Variants in SAMM50 observed in about 807,000 individuals in gnomAD.
The protein encoded by SAMM50 is SAMM50 sorting and assembly machinery component.
A neutral mutation model predicts 66.9 loss-of-function variants in SAMM50; 47 were observed. The ratio of observed to expected loss-of-function variants is 0.70; its 90% CI spans 0.56 to 0.90. The LOEUF is 0.90. Among genes scored for constraint, SAMM50 ranks in the 40% least tolerant of loss-of-function variants. The probability of loss-of-function intolerance (pLI) is 0.00; values close to 1 mark genes in which losing one functional copy is unlikely to be tolerated. For missense variants in SAMM50, 535 were observed against 595.3 expected, an observed-to-expected ratio of 0.90 and a Z score of 1.05; for synonymous variants, 191 against 214.1, an observed-to-expected ratio of 0.89 and a Z score of 0.94.
At chr22:43,984,061 T>A in intron 12 of SAMM50, 61 bp downstream of exon 12, 1 of 1,446,578 alleles carries the variant, frequency 6.9e-7, no homozygotes. Flanking sequence ...TTGGAAACCA[T>A]GTACCTGTTA....
At chr22:43,970,805 G>T (rs145970573) in intron 4 of SAMM50, among the ~76,000 whole-genome samples, 90 of 151,700 alleles carry the variant, frequency 5.9e-4, no homozygotes, top group Admixed American at 1.7e-3. Context: ...TGCGCCTAAA[G>T]CTGCTCTAAG....
chr22:43,976,868 C>G, intron 9 of SAMM50, 47 bp downstream of exon 9: 2 of 1,027,856 alleles, frequency 1.9e-6, no homozygotes, highest in Non-Finnish European at 2.8e-6. Flanking sequence ...GGGAGCCAAA[C>G]TTTGGACAGT....
chr22:43,991,947 G>C (rs1456279006), intron 14 of SAMM50, among the ~76,000 whole-genome samples: 1 of 152,216 alleles, frequency 6.6e-6, no homozygotes, highest in African/African-American at 2.4e-5. Flanking sequence ...CATCCTGTCA[G>C]GGTTAGGGCT....
chr22:43,984,150 G>A (rs1243470843), intron 12 of SAMM50, 150 bp downstream of exon 12: 5 of 620,374 alleles, frequency 8.1e-6, no homozygotes, highest in African/African-American at 1.9e-5. Context: ...CATGTAGCAG[G>A]TGTAGAACAT....
chr22:43,974,249 C>CT (rs1268470611), intron 7 of SAMM50, among the ~76,000 whole-genome samples: 1 of 152,146 alleles, frequency 6.6e-6, no homozygotes, highest in African/African-American at 2.4e-5. Context: ...GCCCAGGAAG[C>CT]TTTAAGTGTG....
intron 14 of SAMM50, among the ~76,000 whole-genome samples, chr22:43,995,993 T>C (rs2050351492): frequency 6.6e-6 from 1 of 152,194 alleles, no homozygotes; most frequent in African/African-American, 2.4e-5. Context: ...CACCTTGTCC[T>C]TCCGGCTCCT....
At chr22:43,994,721 G>A (rs573832380) in intron 14 of SAMM50, among the ~76,000 whole-genome samples, 22 of 152,204 alleles carry the variant, frequency 1.4e-4, no homozygotes, top group Non-Finnish European at 2.8e-4. Flanking sequence ...GATGTTTGGG[G>A]CTGTCTGGAG....
At chr22:43,982,642 T>C (rs1432083638) in intron 11 of SAMM50, among the ~76,000 whole-genome samples, 1 of 152,200 alleles carries the variant, frequency 6.6e-6, no homozygotes, top group African/African-American at 2.4e-5. Context: ...ATTTTATTTA[T>C]GTATGTTTTT....
Position 43,981,460 on chromosome 22 carries a change from AGGTAAG to A in SAMM50, c.1007_1007+5del. ...TGATAAGCCGTCAAGCATTGCTGATAGGTAAGTACTAATCAATGAATGGATAATTTG... is the reference window on the plus strand; with the variant it reads ...TGATAAGCCGTCAAGCATTGCTGATATACTAATCAATGAATGGATAATTTG... On this transcript the variant is annotated splice_donor_variant and splice_donor_5th_base_variant and coding_sequence_variant and intron_variant, in exon 11 of 15. Transcript: ENST00000350028. LOFTEE classifies it high-confidence loss of function. 1 of 1,600,450 alleles carries A rather than the reference AGGTAAG, an allele frequency of 6.2e-7. No homozygotes were observed. The highest frequency in any genetic ancestry group is 1.1e-5 in the South Asian group (1 of 90,812).
intron 10 of SAMM50, among the ~76,000 whole-genome samples, chr22:43,979,137 C>T (rs2146819413): frequency 6.6e-6 from 1 of 152,330 alleles, no homozygotes; most frequent in Non-Finnish European, 1.5e-5. Context: ...TTTCTCTTCT[C>T]AGGGCCCTTT....
chr22:43,968,441 G>T (rs1182838789), intron 3 of SAMM50, among the ~76,000 whole-genome samples: 1 of 152,142 alleles, frequency 6.6e-6, no homozygotes, highest in African/African-American at 2.4e-5. Context: ...CAACGTTCTA[G>T]ACTGTGTGTT....
intron 12 of SAMM50, among the ~76,000 whole-genome samples, chr22:43,984,703 A>G (rs1406808212): frequency 6.6e-6 from 1 of 151,244 alleles, no homozygotes. Flanking sequence ...ATCTCGGCTC[A>G]CTGCAACCTC....
intron 4 of SAMM50, among the ~76,000 whole-genome samples, chr22:43,971,567 T>C (rs1363844362): frequency 6.6e-6 from 1 of 152,214 alleles, no homozygotes. Flanking sequence ...GTCGGTTGAA[T>C]TGAGAACCCA....
At chr22:43,963,417 C>G (rs2050157582) in intron 2 of SAMM50, 21 bp downstream of exon 2, 1 of 1,475,158 alleles carries the variant, frequency 6.8e-7, no homozygotes, top group Non-Finnish European at 9.4e-7. Context: ...TGTTGAAGGT[C>G]TTGATAGAAT....
At chr22:43,994,541 C>T (rs1190704928) in intron 14 of SAMM50, among the ~76,000 whole-genome samples, 2 of 152,186 alleles carry the variant, frequency 1.3e-5, no homozygotes, top group Non-Finnish European at 2.9e-5. Context: ...GCTTCCTGGC[C>T]TCCAGCCTCA....
rs764674823 is a variant in SAMM50 at position 43,955,582 on chromosome 22, G to T, written c.5G>T (p.Gly2Val). 9 of 1,601,066 alleles carry T rather than the reference G, an allele frequency of 5.6e-6. No homozygotes were observed. In the Admixed American group the frequency reaches 8.6e-5, roughly 15 times the overall value. The change falls in exon 1 of 15, where the codon GGG (glycine) becomes GTG (valine). Residue 2 changes from glycine to valine, a missense_variant. By Grantham distance (109) the Gly-to-Val change is moderately radical. Transcript: ENST00000350028. ...GCAGCGGCTGGAGAGGGAACCATGG[G>T]GACTGTGCACGCCCGGGTAAGAGGC... M[G>V]TVHARSLEPL...
chr22:43,973,297 G>A lies in SAMM50; in HGVS notation c.622G>A (p.Asp208Asn), dbSNP rs1453700073. 2 of 1,605,954 alleles carry A rather than the reference G, an allele frequency of 1.2e-6. No individual in the cohort carries two copies. The highest frequency in any genetic ancestry group is 1.7e-6 in the Non-Finnish European group (2 of 1,172,598). The change falls in exon 7 of 15, where the codon GAC becomes AAC. Residue 208 changes from aspartate (D) to asparagine (N), a missense_variant. Physicochemically the swap from Asp to Asn is conservative, Grantham distance 23. Coordinates refer to ENST00000350028, the MANE Select transcript of SAMM50 (RefSeq NM_015380.5). ...QFPWSSLRETDRGMSAEYSFP... is the reference protein window; with the variant it reads ...QFPWSSLRETNRGMSAEYSFP... ...CCCTTGGAGCTCACTGCGGGAGACGGACAGAGGAATGTCAGCTGAGTACAG... is the reference window on the plus strand; with the variant it reads ...CCCTTGGAGCTCACTGCGGGAGACGAACAGAGGAATGTCAGCTGAGTACAG...
chr22:43,981,560 G>A (rs1468651579), intron 11 of SAMM50, 99 bp downstream of exon 11: 1 of 816,562 alleles, frequency 1.2e-6, no homozygotes, highest in Admixed American at 2.1e-5. Flanking sequence ...ATTTAGGAGA[G>A]CATAGTATTT....
intron 1 of SAMM50, among the ~76,000 whole-genome samples, chr22:43,955,817 A>G (rs1027097208): frequency 6.6e-6 from 1 of 152,210 alleles, no homozygotes; most frequent in African/African-American, 2.4e-5. Context: ...AGACTTGGCT[A>G]AAGGTCACTC....
Sources: allele counts gnomAD v4.1 joint callset (sites outside exome capture counted in the v4.1 genomes callset), GRCh38; gene constraint gnomAD v4.1.1; transcripts MANE v1.5; gene names NCBI Gene and HGNC (gene_info 2026-07-23, HGNC 2026-07-21).